ARHGAP42: variants seen among roughly 807,000 people sequenced by gnomAD.
The protein encoded by ARHGAP42 is Rho GTPase activating protein 42, also known as rho GTPase-activating protein 42.
In ARHGAP42, 63 loss-of-function variants were observed where a neutral mutation model predicts 125.0. The ratio of observed to expected loss-of-function variants is 0.50; its 90% confidence interval spans 0.41 to 0.62. ARHGAP42 has a LOEUF of 0.62. Among genes scored for constraint, ARHGAP42 ranks in the 20% least tolerant of loss-of-function variants. The pLI is 0.00. For missense variants in ARHGAP42, 766 were observed against 1,024.2 expected, an observed-to-expected ratio of 0.75 and a Z score of 3.44; for synonymous variants, 339 against 351.0, an observed-to-expected ratio of 0.97 and a Z score of 0.38.
At chr11:100,762,367 C>T (rs1182866730) in intron 1 of ARHGAP42, among the ~76,000 whole-genome samples, 1 of 152,138 alleles carries the variant, frequency 6.6e-6, no homozygotes, top group Non-Finnish European at 1.5e-5. Flanking sequence ...AGCATCAGGG[C>T]TCCACTGTTC....
chr11:100,858,086 GGTGTGTGTGTGTGTGTGTGT>G (rs201861404), intron 3 of ARHGAP42, among the ~76,000 whole-genome samples: 56 of 109,018 alleles, frequency 5.1e-4, no homozygotes, highest in African/African-American at 1.6e-3. Context: ...TCTGGATAGG[GGTGTGTGTGTGTGTGTGTGT>G]GTGTGTGTGT....
At chr11:100,793,490 A>C (rs1361764871) in intron 2 of ARHGAP42, among the ~76,000 whole-genome samples, 1 of 152,240 alleles carries the variant, frequency 6.6e-6, no homozygotes, top group African/African-American at 2.4e-5. Context: ...GTAACTCTGA[A>C]TAAAATCCAA....
At chr11:100,896,732 G>C (rs1192185193) in intron 4 of ARHGAP42, among the ~76,000 whole-genome samples, 2 of 152,278 alleles carry the variant, frequency 1.3e-5, no homozygotes, top group African/African-American at 2.4e-5. Flanking sequence ...GCAGATTCTA[G>C]ATATTAGTCC....
chr11:100,715,570 G>A (rs1308975738), intron 1 of ARHGAP42, among the ~76,000 whole-genome samples: 1 of 152,104 alleles, frequency 6.6e-6, no homozygotes, highest in Non-Finnish European at 1.5e-5. Flanking sequence ...ACAGTGTTCT[G>A]TCTCACAAGA....
chr11:100,981,437 T>C (rs1162251577), intron 22 of ARHGAP42, among the ~76,000 whole-genome samples: 3 of 152,212 alleles, frequency 2.0e-5, no homozygotes, highest in African/African-American at 7.2e-5. Flanking sequence ...TGTCTCATTT[T>C]TGTTTTTTTC....
At chr11:100,882,500 T>A (rs1274338739) in intron 4 of ARHGAP42, among the ~76,000 whole-genome samples, 1 of 138,776 alleles carries the variant, frequency 7.2e-6, no homozygotes, top group Admixed American at 7.3e-5. Flanking sequence ...TTAGCCAGTA[T>A]TTTTTTTTTT....
In ARHGAP42 at chr11:100,960,978, A is replaced by G; in HGVS notation, c.1289A>G (p.Asn430Ser). Reference protein sequence around the residue: ...GVNSKVQKLMNTTFSPKSPPD... With the variant: ...GVNSKVQKLMSTTFSPKSPPD... ...AACTCCAAAGTTCAAAAACTCATGA[A>G]TACCACATTTTGTAAGTTTTGGATG... Residue 430 changes from asparagine (N) to serine (S), a missense_variant, in exon 14 of 24, where the codon AAT becomes AGT. Asn to Ser is a conservative substitution (Grantham distance 46, BLOSUM62 1). Coordinates refer to ENST00000298815, the MANE Select transcript of ARHGAP42 (RefSeq NM_152432.4). 1.3e-6 allele frequency: 2 copies of G among 1,538,862 alleles called. No homozygotes were observed. Among genetic ancestry groups the G allele is most frequent in the Non-Finnish European group, 1.8e-6 (2 of 1,141,004 alleles).
chr11:100,746,299 C>T (rs1862303061), intron 1 of ARHGAP42, among the ~76,000 whole-genome samples: 2 of 152,128 alleles, frequency 1.3e-5, no homozygotes, highest in Non-Finnish European at 2.9e-5. Flanking sequence ...CTGGATGGCC[C>T]TCGGGGTCTG....
intron 3 of ARHGAP42, chr11:100,840,045 A>C (rs1486615526): frequency 6.6e-6 from 1 of 152,210 alleles, no homozygotes; most frequent in African/African-American, 2.4e-5. Context: ...AAAAATATGA[A>C]CTAGTCTTCA....
chr11:100,801,170 C>T (rs1227587244), intron 3 of ARHGAP42, among the ~76,000 whole-genome samples: 1 of 152,024 alleles, frequency 6.6e-6, no homozygotes, highest in Non-Finnish European at 1.5e-5. Flanking sequence ...GGATGCTCAA[C>T]CTGTATGTAT....
At chr11:100,987,412 A>AG in intron 22 of ARHGAP42, 101 bp from the exon 23 acceptor site, 1 of 962,804 alleles carries the variant, frequency 1.0e-6, no homozygotes. Context: ...ATTATGTTCC[A>AG]ATTACAAGTA....
At chr11:100,918,270 T>C (rs1051682110) in intron 5 of ARHGAP42, among the ~76,000 whole-genome samples, 1 of 152,258 alleles carries the variant, frequency 6.6e-6, no homozygotes, top group Non-Finnish European at 1.5e-5. Flanking sequence ...TCTCATTTTA[T>C]CTGTTCCTCA....
chr11:100,913,182 C>T (rs1200770143), intron 4 of ARHGAP42, among the ~76,000 whole-genome samples: 1 of 152,134 alleles, frequency 6.6e-6, no homozygotes, highest in African/African-American at 2.4e-5. Context: ...ACTACAGTTC[C>T]ATTTACTCCA....
In ARHGAP42 at chr11:100,859,599, CGAAAA is replaced by C; in HGVS notation, c.362_366del (p.Lys121ThrfsTer13). 1 of 1,522,462 alleles carries C rather than the reference CGAAAA, an allele frequency of 6.6e-7. No individual in the cohort carries two copies. The highest frequency in any genetic ancestry group is 8.8e-7 in the Non-Finnish European group (1 of 1,135,784). 94.3% of individuals were successfully genotyped at this position (1,522,462 alleles called of 1,614,324 possible). ...ATTAATTGCACCACTTGAGAAATTT[CGAAAA>C]GAACAGATAGGTGCAGCAAAAGTAA... On this transcript the variant is annotated frameshift_variant, in exon 4 of 24. Coordinates refer to ENST00000298815, the MANE Select transcript of ARHGAP42 (RefSeq NM_152432.4). LOFTEE classifies it high-confidence loss of function.
At chr11:100,807,337 A>G (rs1406985386) in intron 3 of ARHGAP42, among the ~76,000 whole-genome samples, 1 of 151,994 alleles carries the variant, frequency 6.6e-6, no homozygotes, top group Non-Finnish European at 1.5e-5. Flanking sequence ...CTGAGATTAC[A>G]GGCATGCATC....
chr11:100,841,688 ATATGTCT>A (rs1297537405), intron 3 of ARHGAP42, among the ~76,000 whole-genome samples: 11 of 152,156 alleles, frequency 7.2e-5, no homozygotes, highest in Non-Finnish European at 1.3e-4. Context: ...CATTTCATCA[ATATGTCT>A]TACGGCATTG....
intron 3 of ARHGAP42, among the ~76,000 whole-genome samples, chr11:100,836,027 C>A (rs1417434248): frequency 5.9e-5 from 9 of 151,790 alleles, no homozygotes; most frequent in Non-Finnish European, 1.3e-4. Context: ...AAAATCAAGA[C>A]AAAAATAGCA....
At chr11:100,921,813 C>T (rs545692508) in intron 6 of ARHGAP42, among the ~76,000 whole-genome samples, 8 of 151,948 alleles carry the variant, frequency 5.3e-5, no homozygotes, top group Non-Finnish European at 8.8e-5. Context: ...GTGAGAATAC[C>T]GTTATATGTT....
At chr11:100,888,692 T>C (rs994180686) in intron 4 of ARHGAP42, among the ~76,000 whole-genome samples, 1 of 152,208 alleles carries the variant, frequency 6.6e-6, no homozygotes, top group Non-Finnish European at 1.5e-5. Context: ...ATTCTAATAC[T>C]CTTTTTAGAG....
Sources: allele counts gnomAD v4.1 joint callset (sites outside exome capture counted in the v4.1 genomes callset), GRCh38; gene constraint gnomAD v4.1.1; transcripts MANE v1.5; gene names NCBI Gene and HGNC (gene_info 2026-07-23, HGNC 2026-07-21).